The following GALNT16 variants were observed in gnomAD, a reference collection of about 807,000 sequenced individuals.
The protein encoded by GALNT16 is UDP-GalNAc:polypeptide N-acetylgalactosaminyltransferase-like protein 1.
In GALNT16, 40 loss-of-function variants were observed where a neutral mutation model predicts 76.1. The observed-to-expected ratio is 0.53, with a 90% CI of 0.41 to 0.68. GALNT16 has a LOEUF of 0.68. GALNT16 is among the 30% of genes least tolerant of loss of function. GALNT16 has a pLI of 0.00. For synonymous variants in GALNT16, 276 were observed against 285.2 expected (o/e 0.97, Z 0.32); for missense variants, 621 against 731.9 (o/e 0.85, Z 1.75).
chr14:69,265,422 T>C (rs1197560808), intron 1 of GALNT16, among the ~76,000 whole-genome samples: 1 of 152,204 alleles, frequency 6.6e-6, no homozygotes, highest in African/African-American at 2.4e-5. Context: ...TGTTTGTCCT[T>C]GCTGCAGGCA....
chr14:69,351,964 G>A (rs2045642112), intron 14 of GALNT16, 67 bp from the exon 15 acceptor site: 2 of 1,459,474 alleles, frequency 1.4e-6, no homozygotes, highest in Non-Finnish European at 1.9e-6. Flanking sequence ...TGGAATGAAA[G>A]TACAACATTA....
At chr14:69,269,726 G>T (rs1266994059) in intron 1 of GALNT16, among the ~76,000 whole-genome samples, 1 of 150,744 alleles carries the variant, frequency 6.6e-6, no homozygotes, top group African/African-American at 2.4e-5. Context: ...GATGTGTGGG[G>T]TTCGTGTATG....
chr14:69,381,239 G>A, the GALNT16 span, among the ~76,000 whole-genome samples: 4 of 152,204 alleles, frequency 2.6e-5, no homozygotes, highest in African/African-American at 9.7e-5. Context: ...TCGTGCCACT[G>A]CACTCCTGTG....
chr14:69,281,863 G>A (rs1325715994), intron 1 of GALNT16, among the ~76,000 whole-genome samples: 2 of 152,270 alleles, frequency 1.3e-5, no homozygotes, highest in South Asian at 2.1e-4. Flanking sequence ...TAGGAGCTGA[G>A]ACTGTCCCCA....
chr14:69,344,605 G>A (rs768086295), intron 12 of GALNT16, among the ~76,000 whole-genome samples: 3 of 152,186 alleles, frequency 2.0e-5, no homozygotes, highest in Non-Finnish European at 4.4e-5. Context: ...CTGCTACCAC[G>A]ATGACAGCTT....
chr14:69,305,729 G>A (rs368292428), intron 1 of GALNT16, among the ~76,000 whole-genome samples: 24 of 152,180 alleles, frequency 1.6e-4, no homozygotes, highest in African/African-American at 5.8e-4. Context: ...TTTTCACTCT[G>A]TTGATTGTGT....
chr14:69,269,519 G>A (rs781528395), intron 1 of GALNT16, among the ~76,000 whole-genome samples: 1 of 148,828 alleles, frequency 6.7e-6, no homozygotes, highest in Non-Finnish European at 1.5e-5. Context: ...TGTGTGATGT[G>A]TGGGGCTTAT....
At chr14:69,324,076 C>T (rs907422740) in intron 2 of GALNT16, among the ~76,000 whole-genome samples, 8 of 151,892 alleles carry the variant, frequency 5.3e-5, no homozygotes, top group Non-Finnish European at 7.4e-5. Flanking sequence ...GAGGAAGTGA[C>T]GGGATAGGCC....
chr14:69,357,524 AC>A (rs1027025887), downstream of GALNT16: 5 of 152,330 alleles, frequency 3.3e-5, no homozygotes, highest in Middle Eastern at 3.4e-3. Context: ...TGAGCTAGGG[AC>A]CATTCCTCCA....
the GALNT16 span, among the ~76,000 whole-genome samples, chr14:69,377,846 A>G: frequency 6.6e-6 from 1 of 150,500 alleles, no homozygotes; most frequent in African/African-American, 2.4e-5. Context: ...GAACATGAAC[A>G]TAAAAGTATC....
intron 6 of GALNT16, among the ~76,000 whole-genome samples, chr14:69,329,351 C>T (rs1322087809): frequency 6.6e-6 from 1 of 151,742 alleles, no homozygotes; most frequent in Non-Finnish European, 1.5e-5. Flanking sequence ...AGCGAGACTC[C>T]ATCTCAAGAA....
chr14:69,323,028 C>T (rs1465949198), intron 2 of GALNT16, among the ~76,000 whole-genome samples: 3 of 146,596 alleles, frequency 2.0e-5, no homozygotes, highest in Non-Finnish European at 3.0e-5. Flanking sequence ...AAGCAAAGGA[C>T]GTGCTGGCTT....
downstream of GALNT16, among the ~76,000 whole-genome samples, chr14:69,361,445 C>A (rs1235292222): frequency 6.6e-6 from 1 of 152,190 alleles, no homozygotes; most frequent in Non-Finnish European, 1.5e-5. Flanking sequence ...GAAGTCTGAT[C>A]CAGGGTCCAT....
intron 14 of GALNT16, 30 bp from the exon 15 acceptor site, chr14:69,352,001 C>T (rs748430189): frequency 1.9e-5 from 30 of 1,572,984 alleles, no homozygotes; most frequent in Non-Finnish European, 6.9e-6. Flanking sequence ...TTTTCTCCTT[C>T]CTCTTCTAAC....
intron 1 of GALNT16, among the ~76,000 whole-genome samples, chr14:69,287,040 A>C (rs1326078752): frequency 6.6e-6 from 1 of 152,096 alleles, no homozygotes; most frequent in Non-Finnish European, 1.5e-5. Flanking sequence ...CCATCAGTGA[A>C]TCAAGAGACT....
intron 1 of GALNT16, among the ~76,000 whole-genome samples, chr14:69,264,238 T>C (rs2044311881): frequency 6.6e-6 from 1 of 152,232 alleles, no homozygotes; most frequent in South Asian, 2.1e-4. Context: ...AACCGGAGTT[T>C]CTTAGCCTGA....
At chr14:69,312,054 A>AATCTATCT (rs1555399252) in intron 1 of GALNT16, among the ~76,000 whole-genome samples, 101 of 125,756 alleles carry the variant, frequency 8.0e-4, no homozygotes, top group South Asian at 1.7e-3. Flanking sequence ...AAAAAAAAAA[A>AATCTATCT]ATCTGTCTAT....
chr14:69,299,590 T>C (rs1453736787), intron 1 of GALNT16, among the ~76,000 whole-genome samples: 2 of 152,126 alleles, frequency 1.3e-5, no homozygotes, highest in Non-Finnish European at 2.9e-5. Flanking sequence ...CTTCCTAATG[T>C]CCTTAAGGAA....
chr14:69,270,558 G>A (rs1484951818), intron 1 of GALNT16, among the ~76,000 whole-genome samples: 1 of 152,134 alleles, frequency 6.6e-6, no homozygotes, highest in Non-Finnish European at 1.5e-5. Context: ...TGTATGGGAG[G>A]GCTTCTGATA....
Sources: gnomAD v4.1 joint callset for allele counts (sites outside exome capture counted in the v4.1 genomes callset) on GRCh38, gnomAD v4.1.1 for gene constraint, MANE v1.5 for transcripts, NCBI Gene and HGNC (gene_info 2026-07-23, HGNC 2026-07-21) for gene names.